Variants in MTERF3 observed in about 807,000 individuals in gnomAD.
MTERF3 encodes transcription termination factor 3, mitochondrial.
Under a neutral mutation model 40.5 loss-of-function variants are expected in MTERF3, and 40 were observed. That is an observed-to-expected ratio of 0.99 (90% confidence interval 0.77 to 1.29). The LOEUF is 1.29. MTERF3 is among the 50% of genes most tolerant of loss of function. MTERF3 has a pLI of 0.00. For synonymous variants in MTERF3, 158 were observed against 166.6 expected, an observed-to-expected ratio of 0.95 and a Z score of 0.40; for missense variants, 452 against 478.2, an observed-to-expected ratio of 0.95 and a Z score of 0.51.
intron 2 of MTERF3, chr8:96,258,088 T>C: frequency 3.3e-6 from 1 of 301,346 alleles, no homozygotes; most frequent in Middle Eastern, 1.7e-3. Flanking sequence ...ACTAGAAGAA[T>C]TTTGTTTTAA....
intron 3 of MTERF3, among the ~76,000 whole-genome samples, chr8:96,255,875 G>A (rs1416322090): frequency 6.6e-6 from 1 of 152,146 alleles, no homozygotes; most frequent in Non-Finnish European, 1.5e-5. Flanking sequence ...ACACTGAAAT[G>A]CCTGCAAATG....
chr8:96,258,757 T>C, intron 1 of MTERF3, 57 bp from the exon 2 acceptor site: 1 of 1,304,972 alleles, frequency 7.7e-7, no homozygotes, highest in Non-Finnish European at 1.1e-6. Flanking sequence ...CTTAAATGTT[T>C]AAAACGGTAT....
chr8:96,239,544 C>T lies in MTERF3; in HGVS notation c.1201G>A (p.Glu401Lys), dbSNP rs771103964. ...VSIPDEIFCE[E>K]IAKASVQDFE... ...TCCTGTACTGATGCTTTGGCAATCT[C>T]TTCACAAAATATTTCATCAGGAATA... is the stretch of plus-strand genomic sequence containing the variant. Residue 401 changes from glutamate to lysine, a missense_variant, in exon 8 of 8, where the codon GAG (glutamate) becomes AAG (lysine). Coordinates refer to ENST00000287025, the MANE Select transcript of MTERF3 (RefSeq NM_015942.5). 4 of 1,610,512 alleles carry T rather than the reference C, an allele frequency of 2.5e-6. No homozygotes were observed. In the African/African-American group the frequency reaches 5.4e-5, roughly 22 times the overall value.
At chr8:96,250,688 AGGAGGAGG>A (rs1282129891) in intron 4 of MTERF3, among the ~76,000 whole-genome samples, 20 of 28,748 alleles carry the variant, frequency 7.0e-4, no homozygotes, top group African/African-American at 3.1e-3. Context: ...AAGAAGGAGG[AGGAGGAGG>A]GGGGGAGGGG....
At position 96,245,863 on chromosome 8, in the gene MTERF3, C is replaced by A; in HGVS notation, c.894G>T (p.Met298Ile). ...TGSLEPVKEN[M>I]KVYRLELGFK... ...AAAAAGCCTAAAGTTGTCCTACCTTCATATTTTCTTTCACGGGTTCCAGAC... is the reference window on the plus strand; with the variant it reads ...AAAAAGCCTAAAGTTGTCCTACCTTAATATTTTCTTTCACGGGTTCCAGAC... Residue 298 changes from methionine (M) to isoleucine (I), a missense_variant, in exon 6 of 8, where the codon ATG becomes ATT. By Grantham distance (10) the Met-to-Ile change is conservative (BLOSUM62 1). Transcript: ENST00000287025. 1 of 1,613,392 alleles carries A rather than the reference C, an allele frequency of 6.2e-7. No homozygotes were observed. Among genetic ancestry groups the A allele is most frequent in the Non-Finnish European group, 8.5e-7 (1 of 1,179,394 alleles).
At chr8:96,260,846 A>C (rs926495873) in intron 1 of MTERF3, among the ~76,000 whole-genome samples, 12 of 152,216 alleles carry the variant, frequency 7.9e-5, no homozygotes, top group African/African-American at 2.7e-4. Flanking sequence ...TCCGGGGACT[A>C]TTCTCCACTT....
rs1350272809 is a variant in MTERF3 at position 96,258,547 on chromosome 8, G to A, written c.144C>T (p.Ser48=). 1 of 1,614,174 alleles carries A rather than the reference G, an allele frequency of 6.2e-7. No homozygotes were observed. The highest frequency in any genetic ancestry group is 1.7e-5 in the Admixed American group (1 of 60,028). The stretch of plus-strand genomic sequence containing the variant: ...CCCACTGGAGAAAGCAATTGTCAGA[G>A]GATATCTGAGGCTGAGCAGAAAAGC... The part of the protein sequence containing the change: ...LHGFSAQPQI[S]SDNCFLQWGF... The change falls in exon 2 of 8, where the codon TCC becomes TCT. Residue 48 remains serine, a synonymous_variant. Coordinates refer to ENST00000287025, the MANE Select transcript of MTERF3 (RefSeq NM_015942.5).
chr8:96,254,113 C>G (rs1355452505), intron 3 of MTERF3, among the ~76,000 whole-genome samples: 1 of 152,142 alleles, frequency 6.6e-6, no homozygotes, highest in East Asian at 1.9e-4. Context: ...GTGACTGTCT[C>G]CTCACAGCAG....
chr8:96,240,627 A>G (rs1586161531), intron 7 of MTERF3, among the ~76,000 whole-genome samples: 2 of 152,312 alleles, frequency 1.3e-5, no homozygotes, highest in East Asian at 3.9e-4. Context: ...CTCTACAGCC[A>G]GCTACAGAAA....
At chr8:96,246,996 A>G (rs1810034016) in intron 4 of MTERF3, among the ~76,000 whole-genome samples, 1 of 152,048 alleles carries the variant, frequency 6.6e-6, no homozygotes, top group Non-Finnish European at 1.5e-5. Context: ...CTTTTCAGGA[A>G]GAGTCCCGCT....
intron 7 of MTERF3, among the ~76,000 whole-genome samples, chr8:96,240,924 C>CACAGGGTGTACCTCAACATGGGTT (rs1284644705): frequency 6.6e-6 from 1 of 152,146 alleles, no homozygotes; most frequent in African/African-American, 2.4e-5. Context: ...CTAAAAAAAG[C>CACAGGGTGTACCTCAACATGGGTT]ACAGGGTGTA....
At chr8:96,243,629 A>C (rs751077727) in intron 7 of MTERF3, among the ~76,000 whole-genome samples, 2 of 152,244 alleles carry the variant, frequency 1.3e-5, no homozygotes, top group Non-Finnish European at 2.9e-5. Context: ...AAGTACACGT[A>C]GCAGTGAAAG....
At chr8:96,248,125 A>G (rs1327797002) in intron 4 of MTERF3, among the ~76,000 whole-genome samples, 1 of 152,238 alleles carries the variant, frequency 6.6e-6, no homozygotes, top group Non-Finnish European at 1.5e-5. Flanking sequence ...TGTTGGGGAG[A>G]GTATAAACTG....
intron 2 of MTERF3, 54 bp from the exon 3 acceptor site, chr8:96,257,168 C>A: frequency 6.6e-7 from 1 of 1,512,460 alleles, no homozygotes. Flanking sequence ...AAAACTATTT[C>A]TGCAAAGACC....
rs369636134 is a variant in MTERF3, at chr8:96,258,345, G to C, written c.334+12C>G. 60 of 1,591,092 alleles carry C rather than the reference G, an allele frequency of 3.8e-5. No homozygotes were observed. Among genetic ancestry groups the C allele is most frequent in the Admixed American group, 1.0e-4 (6 of 58,424 alleles). ...TAGGGAAAGGGAGACTTTTCTGAAA[G>C]TTCAGAATTACCTTCTAGAAACAGC... is the stretch of plus-strand genomic sequence containing the variant. On this transcript the variant is annotated intron_variant, in intron 2 of 7. Coordinates refer to ENST00000287025, the MANE Select transcript of MTERF3 (RefSeq NM_015942.5).
intron 4 of MTERF3, among the ~76,000 whole-genome samples, chr8:96,248,251 T>C (rs1810058897): frequency 6.6e-6 from 1 of 152,180 alleles, no homozygotes; most frequent in Admixed American, 6.5e-5. Flanking sequence ...GACACCAATA[T>C]GTGTGATTTT....
rs565568730 is a variant in MTERF3 at position 96,259,330 on chromosome 8, A to C, written c.-10-630T>G. On this transcript the variant is annotated intron_variant, in intron 1 of 7. Coordinates refer to ENST00000287025, the MANE Select transcript of MTERF3 (RefSeq NM_015942.5). ...AGATAAAGCTGTTCTTCCAAAGGGA[A>C]TTGAACAAAACCAGTTTTGTCAAGT... Among the ~76,000 whole-genome samples, 19 of 152,358 alleles carry C rather than the reference A, an allele frequency of 1.2e-4. 1 individual carries two copies. In the South Asian group the frequency reaches 3.9e-3, roughly 32 times the overall value.
intron 6 of MTERF3, among the ~76,000 whole-genome samples, chr8:96,244,697 C>G (rs1219778569): frequency 6.6e-6 from 1 of 152,212 alleles, no homozygotes; most frequent in East Asian, 1.9e-4. Context: ...CACGCCTGAC[C>G]ATGATTCTTT....
intron 3 of MTERF3, 98 bp from the exon 4 acceptor site, chr8:96,251,193 C>G: frequency 2.3e-6 from 2 of 885,754 alleles, no homozygotes; most frequent in Non-Finnish European, 3.3e-6. Flanking sequence ...AGATCAACAC[C>G]TATCCAAAGG....
Sources: gnomAD v4.1 joint callset for allele counts (sites outside exome capture counted in the v4.1 genomes callset) on GRCh38, gnomAD v4.1.1 for gene constraint, MANE v1.5 for transcripts, NCBI Gene and HGNC (gene_info 2026-07-23, HGNC 2026-07-21) for gene names.